Variants in PADI4 observed in about 807,000 individuals in gnomAD.
The protein encoded by PADI4 is peptidyl arginine deiminase 4, also known as protein-arginine deiminase type-4.
Under a neutral mutation model 75.0 loss-of-function variants are expected in PADI4, and 62 were observed. That is an observed-to-expected ratio of 0.83 (90% confidence interval 0.67 to 1.02). The LOEUF is 1.02. Ranked by LOEUF, PADI4 falls within the 50% of genes least tolerant of loss-of-function variation. PADI4 has a pLI of 0.00. For missense variants in PADI4, 845 were observed against 850.5 expected, an observed-to-expected ratio of 0.99 and a Z score of 0.08; for synonymous variants, 361 against 348.1, an observed-to-expected ratio of 1.04 and a Z score of -0.41.
At chr1:17,334,199 A>G (rs982839849) in intron 3 of PADI4, 190 bp downstream of exon 3, 2 of 600,242 alleles carry the variant, frequency 3.3e-6, no homozygotes, top group Admixed American at 5.9e-5. Context: ...AACCACAAAG[A>G]AATACAATGT....
intron 6 of PADI4, among the ~76,000 whole-genome samples, chr1:17,340,335 C>T (rs2074395151): frequency 6.6e-6 from 1 of 152,060 alleles, no homozygotes; most frequent in African/African-American, 2.4e-5. Context: ...CTAGTGTGTC[C>T]AACGCTGTGA....
At chr1:17,333,376 G>A (rs1487742003) in intron 2 of PADI4, among the ~76,000 whole-genome samples, 3 of 152,000 alleles carry the variant, frequency 2.0e-5, no homozygotes, top group Admixed American at 2.0e-4. Flanking sequence ...GCTTGGATGT[G>A]TCAACCCAGA....
chr1:17,337,215 G>A (rs545804168), intron 4 of PADI4, among the ~76,000 whole-genome samples: 7 of 152,242 alleles, frequency 4.6e-5, no homozygotes, highest in South Asian at 2.1e-4. Flanking sequence ...GTGCAGGGGC[G>A]GTTCACCGCA....
rs748924393 is a variant in PADI4 at position 17,323,856 on chromosome 1, C to CA, written c.93-7111dup. On this transcript the variant is annotated intron_variant, in intron 1 of 15. Transcript: ENST00000375448. Reference sequence around the variant, plus strand: ...AAAACAAGCAAACAAACAACAACAACAACAAAAAAAACACAAACAAACAAA... The same window carrying CA: ...AAAACAAGCAAACAAACAACAACAACAAACAAAAAAAACACAAACAAACAAA... Among the ~76,000 whole-genome samples, 425 of 101,608 alleles carry CA rather than the reference C, an allele frequency of 4.2e-3. 1 individual carries two copies. Among genetic ancestry groups the CA allele is most frequent in the African/African-American group, 0.013 (388 of 30,576 alleles). 66.7% of individuals were successfully genotyped at this position (101,608 alleles called of 152,430 possible). A position where few individuals can be genotyped will look rare whatever the true frequency, so the allele number is the denominator to read the frequency against.
rs1339596379 is a variant in PADI4, at chr1:17,356,033, A to G, written c.1361A>G (p.Gln454Arg). 1.2e-6 allele frequency: 2 copies of G among 1,613,924 alleles called. No individual in the cohort carries two copies. Among genetic ancestry groups the G allele is most frequent in the East Asian group, 4.5e-5 (2 of 44,868 alleles). ...HQALQDFLSA[Q>R]QVQAPVKLYS... The stretch of plus-strand genomic sequence containing the variant: ...GCCCTGCAGGACTTCCTCAGTGCCC[A>G]GCAGGTGCAGGCCCCTGTGAAGCTC... The change falls in exon 12 of 16, where the codon CAG (glutamine) becomes CGG (arginine). Residue 454 changes from glutamine (Q) to arginine (R), a missense_variant. Physicochemically the swap from Gln to Arg is conservative, Grantham distance 43 (BLOSUM62 1). Coordinates refer to ENST00000375448, the MANE Select transcript of PADI4 (RefSeq NM_012387.3). The surrounding 1 kb of genome is among the most constrained non-coding windows in gnomAD (Gnocchi z 4.1).
intron 10 of PADI4, among the ~76,000 whole-genome samples, chr1:17,352,678 T>C (rs1391271679): frequency 6.6e-6 from 1 of 151,828 alleles, no homozygotes; most frequent in Non-Finnish European, 1.5e-5. Flanking sequence ...CACCATCCCC[T>C]GGGAGGGGAG....
At chr1:17,360,945 T>A (rs1225603629) in intron 15 of PADI4, among the ~76,000 whole-genome samples, 2 of 151,952 alleles carry the variant, frequency 1.3e-5, no homozygotes, top group East Asian at 3.9e-4. Context: ...CTTGATATCA[T>A]CCATTGTGTT....
chr1:17,308,377 A>G (rs369945565), intron 1 of PADI4, 63 bp downstream of exon 1: 5 of 1,281,240 alleles, frequency 3.9e-6, no homozygotes, highest in African/African-American at 2.9e-5. Context: ...ACCCAGTTCT[A>G]CTGACACAGG....
rs114969952 is a variant in PADI4, at chr1:17,359,218, C to A, written c.1630-62C>A. ...GCAGGGGGCCTCAGCCCCACACTGT[C>A]CCCCACCCCCACCCCCGACTGCCAT... On this transcript the variant is annotated intron_variant, in intron 14 of 15. Coordinates refer to ENST00000375448, the MANE Select transcript of PADI4 (RefSeq NM_012387.3). 780 of 519,076 alleles carry A rather than the reference C, an allele frequency of 1.5e-3. 5 individuals carry two copies. The highest frequency in any genetic ancestry group is 0.013 in the African/African-American group (673 of 50,328). The allele number at this position is 519,076 out of a possible 1,614,324, so 32.2% of individuals were successfully genotyped here.
intron 1 of PADI4, among the ~76,000 whole-genome samples, chr1:17,326,986 C>T (rs1425384110): frequency 6.6e-6 from 1 of 150,874 alleles, no homozygotes; most frequent in African/African-American, 2.4e-5. Context: ...TATTGGCTCA[C>T]TGCAACCTCT....
intron 15 of PADI4, among the ~76,000 whole-genome samples, chr1:17,360,993 A>G (rs1418178022): frequency 6.6e-6 from 1 of 152,050 alleles, no homozygotes; most frequent in Non-Finnish European, 1.5e-5. Context: ...CTCTCTTCAG[A>G]GCATACCCGA....
chr1:17,319,557 G>A (rs565133285), intron 1 of PADI4, among the ~76,000 whole-genome samples: 11 of 151,918 alleles, frequency 7.2e-5, no homozygotes, highest in African/African-American at 2.7e-4. Flanking sequence ...AAAGACAGAG[G>A]GTGTATTAGT....
At chr1:17,339,509 A>C (rs35442836) in intron 5 of PADI4, among the ~76,000 whole-genome samples, 179 bp from the exon 6 acceptor site, 2,439 of 152,302 alleles carry the variant, frequency 0.016, 34 homozygotes, top group Non-Finnish European at 0.024. Flanking sequence ...TCATTCCAAA[A>C]TGAAAACCAT....
chr1:17,344,243 G>C (rs2074475146), intron 8 of PADI4, among the ~76,000 whole-genome samples: 1 of 152,172 alleles, frequency 6.6e-6, no homozygotes, highest in Non-Finnish European at 1.5e-5. Context: ...AGATGATTTA[G>C]GGTATCTGGC....
chr1:17,319,929 C>T lies in PADI4; in HGVS notation c.93-11040C>T, dbSNP rs552375834. On this transcript the variant is annotated intron_variant, in intron 1 of 15. Coordinates refer to ENST00000375448, the MANE Select transcript of PADI4 (RefSeq NM_012387.3). ...ACTATGTACGAAAAAACCTTTCAGC[C>T]GAACTTAAAATACCTAAGGAGGCAG... Among the ~76,000 whole-genome samples, 74 of 152,226 alleles carry T rather than the reference C, an allele frequency of 4.9e-4. No individual in the cohort carries two copies. In the South Asian group the frequency reaches 0.012, roughly 25 times the overall value.
intron 2 of PADI4, among the ~76,000 whole-genome samples, chr1:17,332,678 T>C (rs2074236023): frequency 1.3e-5 from 2 of 152,224 alleles, no homozygotes; most frequent in African/African-American, 4.8e-5. Flanking sequence ...CCCCTTTGCC[T>C]GTAGATGGGC....
In PADI4 at chr1:17,327,593, G is replaced by A. The variant is rs142115953; in HGVS notation, c.93-3376G>A. The stretch of plus-strand genomic sequence containing the variant: ...GTCTCGCTTTGTCACCCAGGCTGGA[G>A]TACAGTGGCGTGATCTCAGGTTACT... On this transcript the variant is annotated intron_variant, in intron 1 of 15. Transcript: ENST00000375448. Among the ~76,000 whole-genome samples the A allele has an allele frequency of 5.5e-3, 832 of 151,542 alleles. 9 individuals are homozygous for A. The highest frequency in any genetic ancestry group is 0.019 in the African/African-American group (796 of 41,254).
In PADI4 at chr1:17,319,704, G is replaced by T. The variant is rs143925857; in HGVS notation, c.93-11265G>T. Among the ~76,000 whole-genome samples, 840 of 152,252 alleles carry T rather than the reference G, an allele frequency of 5.5e-3. 10 individuals are homozygous for T. Among genetic ancestry groups the T allele is most frequent in the African/African-American group, 0.019 (804 of 41,542 alleles). ...AAGACTCAGGAGCTGCCACATGGTTGAACAATATTTACGGACAGAAAAACG... is the reference window on the plus strand; with the variant it reads ...AAGACTCAGGAGCTGCCACATGGTTTAACAATATTTACGGACAGAAAAACG... On this transcript the variant is annotated intron_variant, in intron 1 of 15. Coordinates refer to ENST00000375448, the MANE Select transcript of PADI4 (RefSeq NM_012387.3).
At chr1:17,315,137 G>A (rs890840998) in intron 1 of PADI4, among the ~76,000 whole-genome samples, 3 of 152,180 alleles carry the variant, frequency 2.0e-5, no homozygotes, top group Admixed American at 6.5e-5. Flanking sequence ...TGACGTCCTT[G>A]TCAAGGAGGA....
Sources: allele counts gnomAD v4.1 joint callset (sites outside exome capture counted in the v4.1 genomes callset), GRCh38; gene constraint gnomAD v4.1.1; non-coding constraint Gnocchi (gnomAD v3.1); transcripts MANE v1.5; gene names NCBI Gene and HGNC (gene_info 2026-07-23, HGNC 2026-07-21).